The following ACBD3 variants were observed in gnomAD, a reference collection of about 807,000 sequenced individuals.
ACBD3 encodes Golgi resident protein GCP60.
Under a neutral mutation model 66.9 loss-of-function variants are expected in ACBD3, and 30 were observed. The ratio of observed to expected loss-of-function variants is 0.45; its 90% CI spans 0.34 to 0.61. ACBD3 has a LOEUF of 0.61. Ranked by LOEUF, ACBD3 falls within the 20% of genes least tolerant of loss-of-function variation. The pLI is 0.02. For synonymous variants in ACBD3, 278 were observed against 259.8 expected (o/e 1.07, Z -0.68); for missense variants, 544 against 664.5 (o/e 0.82, Z 1.99).
chr1:226,147,223 A>G (rs531093838), intron 7 of ACBD3, among the ~76,000 whole-genome samples: 1 of 152,320 alleles, frequency 6.6e-6, no homozygotes, highest in Admixed American at 6.5e-5. Context: ...CTTGTTGGGA[A>G]TTCTGTTGAA....
rs374639984 is a variant in ACBD3, at chr1:226,146,623, T to C, written c.1574A>G (p.Tyr525Cys). 7 of 1,613,724 alleles carry C rather than the reference T, an allele frequency of 4.3e-6. No individual in the cohort carries two copies. The highest frequency in any genetic ancestry group is 3.3e-5 in the Admixed American group (2 of 59,944). Residue 525 changes from tyrosine (Y) to cysteine (C), a missense_variant, in exon 8 of 8, where the codon TAT (tyrosine) becomes TGT (cysteine). By Grantham distance (194) the Tyr-to-Cys change is radical (BLOSUM62 -2). This residue lies in a region of ACBD3 where 383 missense variants were observed against 462.4 expected (regional missense o/e 0.83). Transcript: ENST00000366812. ...GTAACAACATTTTTATCTAGTATAATAGACTCTGTAGTAGACTGATTTTGA... is the reference window on the plus strand; with the variant it reads ...GTAACAACATTTTTATCTAGTATAACAGACTCTGTAGTAGACTGATTTTGA... ...WRSKSVYYRVYYTR is the reference protein window; with the variant it reads ...WRSKSVYYRVCYTR
chr1:226,150,947 G>A (rs553876722), intron 7 of ACBD3, among the ~76,000 whole-genome samples: 20 of 152,212 alleles, frequency 1.3e-4, no homozygotes, highest in East Asian at 1.2e-3. Flanking sequence ...ATAATGATAC[G>A]GAATTATCTT....
At chr1:226,173,106 C>T (rs1655893908) in intron 1 of ACBD3, among the ~76,000 whole-genome samples, 1 of 151,988 alleles carries the variant, frequency 6.6e-6, no homozygotes, top group Admixed American at 6.6e-5. Flanking sequence ...TCTCCACACA[C>T]ATACAAAAAA....
chr1:226,180,939 C>T (rs768298914), intron 1 of ACBD3, among the ~76,000 whole-genome samples: 2 of 149,040 alleles, frequency 1.3e-5, no homozygotes, highest in Non-Finnish European at 3.0e-5. Context: ...GCAGAGGCTG[C>T]AGTGAGCTGA....
In ACBD3 at chr1:226,165,272, G is replaced by T. The variant is rs373879627; in HGVS notation, c.429-343C>A. ...CAGAACCTCTGCCTCCCAGGCTCAA[G>T]CGATTCTCCTGCTTCAGCCTCCCGA... On this transcript the variant is annotated intron_variant, in intron 2 of 7. Transcript: ENST00000366812. Among the ~76,000 whole-genome samples, 10 of 152,056 alleles carry T rather than the reference G, an allele frequency of 6.6e-5. No homozygotes were observed. The South Asian group carries it at 1.2e-3, about 19-fold the overall frequency.
rs1299724034 is a variant in ACBD3, at chr1:226,165,943, A to C, written c.344T>G (p.Leu115Arg). The C allele has an allele frequency of 1.2e-6, 2 of 1,612,552 alleles. No homozygotes were observed. Among genetic ancestry groups the C allele is most frequent in the South Asian group, 1.1e-5 (1 of 90,468 alleles). Residue 115 changes from leucine (L) to arginine (R), a missense_variant, in exon 2 of 8, where the codon CTG becomes CGG. Physicochemically the swap from Leu to Arg is moderately radical, Grantham distance 102 (BLOSUM62 -2). Coordinates refer to ENST00000366812, the MANE Select transcript of ACBD3 (RefSeq NM_022735.4). ...TYEEKLKLVALHKQVLMGPYN... is the reference protein window; with the variant it reads ...TYEEKLKLVARHKQVLMGPYN... ...TGGGCCCATAAGAACTTGCTTATGC[A>C]GTGCCACAAGCTTCAATTTTTCTTC...
intron 1 of ACBD3, among the ~76,000 whole-genome samples, chr1:226,171,630 C>T (rs1427657423): frequency 6.6e-5 from 10 of 151,754 alleles, no homozygotes; most frequent in South Asian, 4.2e-4. Context: ...TTCTGCCTCC[C>T]GGGCTCAAGC....
In ACBD3 at chr1:226,186,658, G is replaced by A. The variant is rs1481682854; in HGVS notation, c.18C>T (p.Asn6=). ...CGACGGACACCTCGAGTCGCTCTGC[G>A]TTCAGCACCGCCGCCATCTCCGGCT... MAAVL[N]AERLEVSVDG... is the part of the protein sequence containing the mutation. Residue 6 remains asparagine (N), a synonymous_variant, in exon 1 of 8, where the codon AAC becomes AAT. Transcript: ENST00000366812. The A allele has an allele frequency of 1.3e-6, 2 of 1,508,122 alleles. No homozygotes were observed. Among genetic ancestry groups the A allele is most frequent in the East Asian group, 2.8e-5 (1 of 36,158 alleles). The allele number at this position is 1,508,122 out of a possible 1,614,324, so 93.4% of individuals were successfully genotyped here. A position where few individuals can be genotyped will look rare whatever the true frequency, so the allele number is the denominator to read the frequency against.
intron 1 of ACBD3, among the ~76,000 whole-genome samples, chr1:226,184,368 G>A (rs949849648): frequency 6.6e-6 from 1 of 152,110 alleles, no homozygotes; most frequent in African/African-American, 2.4e-5. Flanking sequence ...CTCCTTTTTA[G>A]TACCTGGATA....
At chr1:226,154,050 C>T (rs1293919785) in intron 6 of ACBD3, among the ~76,000 whole-genome samples, 1 of 152,196 alleles carries the variant, frequency 6.6e-6, no homozygotes, top group Non-Finnish European at 1.5e-5. Flanking sequence ...ATTTTGGAAG[C>T]AGATCTTCTA....
chr1:226,171,097 A>G (rs1283504663), intron 1 of ACBD3, among the ~76,000 whole-genome samples: 1 of 151,398 alleles, frequency 6.6e-6, no homozygotes, highest in Non-Finnish European at 1.5e-5. Flanking sequence ...CTTTATTTCA[A>G]GCATTTGATA....
rs970426997 is a variant in ACBD3, at chr1:226,186,387, C to T, written c.286+3G>A. On this transcript the variant is annotated splice_donor_region_variant and intron_variant, in intron 1 of 7. Coordinates refer to ENST00000366812, the MANE Select transcript of ACBD3 (RefSeq NM_022735.4). Reference sequence around the variant, plus strand: ...CGGCGGGGGTGGGGCTGGCCCGGCTCACCTTTGAAGAAGCGCAGTGCCAGG... The same window carrying T: ...CGGCGGGGGTGGGGCTGGCCCGGCTTACCTTTGAAGAAGCGCAGTGCCAGG... 1 of 1,515,864 alleles carries T rather than the reference C, an allele frequency of 6.6e-7. No individual in the cohort carries two copies. The highest frequency in any genetic ancestry group is 1.4e-5 in the African/African-American group (1 of 69,092). The allele number at this position is 1,515,864 out of a possible 1,614,324, so 93.9% of individuals were successfully genotyped here. A position where few individuals can be genotyped will look rare whatever the true frequency, so the allele number is the denominator to read the frequency against.
At chr1:226,155,717 G>C (rs1265702772) in intron 5 of ACBD3, among the ~76,000 whole-genome samples, 1 of 152,052 alleles carries the variant, frequency 6.6e-6, no homozygotes, top group East Asian at 1.9e-4. Flanking sequence ...TAAAACTTCA[G>C]GGAAAAATTA....
At chr1:226,174,531 A>G (rs4653722) in intron 1 of ACBD3, among the ~76,000 whole-genome samples, 67,533 of 151,624 alleles carry the variant, frequency 0.45, 15,130 homozygotes, top group African/African-American at 0.49. Context: ...TTGGGAGGCC[A>G]GGGCAAGTGG....
At chr1:226,153,655 C>A (rs1379307908) in intron 6 of ACBD3, among the ~76,000 whole-genome samples, 1 of 152,168 alleles carries the variant, frequency 6.6e-6, no homozygotes, top group African/African-American at 2.4e-5. Flanking sequence ...ACTCAGGAAA[C>A]CTTCAACTAA....
intron 1 of ACBD3, among the ~76,000 whole-genome samples, chr1:226,172,007 T>C (rs1660002536): frequency 6.6e-6 from 1 of 151,304 alleles, no homozygotes; most frequent in African/African-American, 2.4e-5. Flanking sequence ...ATACAAAAAT[T>C]AGCCAGGCAT....
chr1:226,152,854 C>A (rs1659604628), intron 6 of ACBD3, among the ~76,000 whole-genome samples: 1 of 152,210 alleles, frequency 6.6e-6, no homozygotes, highest in South Asian at 2.1e-4. Flanking sequence ...GTAACAATGG[C>A]AGCCCACAAT....
Position 226,165,973 on chromosome 1 carries a change from G to A in ACBD3, c.314C>T (p.Thr105Ile), listed in dbSNP as rs754543231. 9 of 1,609,992 alleles carry A rather than the reference G, an allele frequency of 5.6e-6. No homozygotes were observed. Among genetic ancestry groups the A allele is most frequent in the South Asian group, 1.1e-5 (1 of 89,690 alleles). ...KEKDGKAFHP[T>I]YEEKLKLVAL... Reference sequence around the variant, plus strand: ...CACAAGCTTCAATTTTTCTTCATAAGTTGGATGAAATGCTTTGCCATCTTT... The same window carrying A: ...CACAAGCTTCAATTTTTCTTCATAAATTGGATGAAATGCTTTGCCATCTTT... Residue 105 changes from threonine (T) to isoleucine (I), a missense_variant, in exon 2 of 8, where the codon ACT (threonine) becomes ATT (isoleucine). Transcript: ENST00000366812.
Position 226,154,961 on chromosome 1 carries a change from A to G in ACBD3, c.904-128T>C, listed in dbSNP as rs539674227. 5 of 624,924 alleles carry G rather than the reference A, an allele frequency of 8.0e-6. No homozygotes were observed. The East Asian group carries it at 9.6e-5, about 12-fold the overall frequency. The allele number at this position is 624,924 out of a possible 1,614,324, so 38.7% of individuals were successfully genotyped here. A position where few individuals can be genotyped will look rare whatever the true frequency, so the allele number is the denominator to read the frequency against. On this transcript the variant is annotated intron_variant, in intron 5 of 7. Transcript: ENST00000366812. ...GCTATGCTCAAGAAATTACTAATAA[A>G]TTTTTATCAGTTTTTATCCTGTCTA...
Sources: gnomAD v4.1 joint callset for allele counts (sites outside exome capture counted in the v4.1 genomes callset) on GRCh38, gnomAD v4.1.1 for gene constraint, gnomAD v4.1.1 regional missense constraint, MANE v1.5 for transcripts, NCBI Gene and HGNC (gene_info 2026-07-23, HGNC 2026-07-21) for gene names.